AKR1C8: variants seen among roughly 807,000 people sequenced by gnomAD.
The protein encoded by AKR1C8 is aldo-keto reductase family 1 member C-like protein 1.
At chr10:5,162,455 G>A in the AKR1C8 span, among the ~76,000 whole-genome samples, 1 of 152,304 alleles carries the variant, frequency 6.6e-6, no homozygotes, top group South Asian at 2.1e-4. Context: ...GACAATTTTA[G>A]AGAGTTCAGA....
the AKR1C8 span, among the ~76,000 whole-genome samples, chr10:5,171,231 C>T: frequency 6.7e-6 from 1 of 150,260 alleles, no homozygotes; most frequent in Non-Finnish European, 1.5e-5. Context: ...TATAAAACCA[C>T]CTTTTGAAGA....
At chr10:5,163,079 T>G in the AKR1C8 span, 1 of 463,558 alleles carries the variant, frequency 2.2e-6, no homozygotes, top group Non-Finnish European at 4.5e-6. Context: ...TCAATGCATT[T>G]CCCCCAATAG....
At chr10:5,143,761 T>C in the AKR1C8 span, among the ~76,000 whole-genome samples, 118 of 148,936 alleles carry the variant, frequency 7.9e-4, no homozygotes, top group East Asian at 0.023. Context: ...ATATATATTT[T>C]AGATTTCTGT....
chr10:5,149,300 A>T, the AKR1C8 span, among the ~76,000 whole-genome samples: 3 of 152,272 alleles, frequency 2.0e-5, no homozygotes, highest in East Asian at 3.9e-4. Context: ...TATCAAAGAC[A>T]AATAATGATA....
the AKR1C8 span, among the ~76,000 whole-genome samples, chr10:5,120,586 A>T: frequency 6.6e-6 from 1 of 152,084 alleles, no homozygotes; most frequent in African/African-American, 2.4e-5. Context: ...GTGATATTGA[A>T]TAGGGTCACA....
the AKR1C8 span, among the ~76,000 whole-genome samples, chr10:5,147,867 T>A: frequency 6.6e-6 from 1 of 152,164 alleles, no homozygotes; most frequent in African/African-American, 2.4e-5. Context: ...CTCCACTAGG[T>A]AGAAACACCA....
At chr10:5,140,853 A>C in the AKR1C8 span, among the ~76,000 whole-genome samples, 1 of 152,132 alleles carries the variant, frequency 6.6e-6, no homozygotes, top group East Asian at 1.9e-4. Flanking sequence ...AAAGAAAGAA[A>C]GAAATTATTC....
chr10:5,140,656 G>A, the AKR1C8 span, among the ~76,000 whole-genome samples: 3 of 152,064 alleles, frequency 2.0e-5, no homozygotes, highest in East Asian at 5.8e-4. Flanking sequence ...GTGGGGTGGG[G>A]GGTTGGGGGA....
At chr10:5,183,146 T>G in the AKR1C8 span, among the ~76,000 whole-genome samples, 2 of 152,132 alleles carry the variant, frequency 1.3e-5, no homozygotes, top group African/African-American at 4.8e-5. Context: ...CTTATTCTTA[T>G]GAACTAACCA....
the AKR1C8 span, among the ~76,000 whole-genome samples, chr10:5,174,599 A>T: frequency 6.6e-6 from 1 of 152,046 alleles, no homozygotes; most frequent in African/African-American, 2.4e-5. Flanking sequence ...TATACTAGAA[A>T]AACTCAGACT....
At chr10:5,141,417 T>C in the AKR1C8 span, among the ~76,000 whole-genome samples, 2 of 152,152 alleles carry the variant, frequency 1.3e-5, no homozygotes, top group Admixed American at 1.3e-4. Context: ...TATTTTGACA[T>C]TTTCTTATGA....
chr10:5,175,695 A>G, the AKR1C8 span, among the ~76,000 whole-genome samples: 18 of 152,112 alleles, frequency 1.2e-4, no homozygotes, highest in South Asian at 3.1e-3. Context: ...GTATCTCATC[A>G]TGGTTTTGAT....
the AKR1C8 span, among the ~76,000 whole-genome samples, chr10:5,118,334 G>A: frequency 5.3e-5 from 5 of 94,998 alleles, no homozygotes; most frequent in Non-Finnish European, 7.4e-5. Flanking sequence ...TTGACTTTAT[G>A]TCTTGTACAA....
At chr10:5,118,819 A>G in the AKR1C8 span, among the ~76,000 whole-genome samples, 17 of 152,168 alleles carry the variant, frequency 1.1e-4, no homozygotes, top group Admixed American at 3.9e-4. Flanking sequence ...TATAGCTGCC[A>G]TTTGACTGGA....
Sources: gnomAD v4.1 joint callset for allele counts (sites outside exome capture counted in the v4.1 genomes callset) on GRCh38, gnomAD v4.1.1 for gene constraint, MANE v1.5 for transcripts, NCBI Gene and HGNC (gene_info 2026-07-23, HGNC 2026-07-21) for gene names.